The following KAT8 variants were observed in gnomAD, a reference collection of about 807,000 sequenced individuals.
KAT8 encodes lysine acetyltransferase 8, also known as histone acetyltransferase KAT8.
A neutral mutation model predicts 62.9 loss-of-function variants in KAT8; 40 were observed. That is an observed-to-expected ratio of 0.64 (90% CI 0.49 to 0.83). The LOEUF (loss-of-function observed/expected upper bound fraction) is 0.83. Among genes scored for constraint, KAT8 ranks in the 40% least tolerant of loss-of-function variants. The pLI is 0.00. For synonymous variants in KAT8, 278 were observed against 254.5 expected, an observed-to-expected ratio of 1.09 and a Z score of -0.88; for missense variants, 387 against 614.8, an observed-to-expected ratio of 0.63 and a Z score of 3.92.
In KAT8 at chr16:31,117,741, G is replaced by A. The variant is rs2057458548; in HGVS notation, c.60G>A (p.Glu20=). ...VAAGTSGVAG[E]GEPGPGENAA... ...CGGGGACTTCAGGGGTCGCGGGGGA[G>A]GGCGAGCCCGGGCCCGGGGAGAATG... The change falls in exon 1 of 11, where the codon GAG becomes GAA. Residue 20 remains glutamate (E), a synonymous_variant. Coordinates refer to ENST00000219797, the MANE Select transcript of KAT8 (RefSeq NM_032188.3). 4.4e-6 allele frequency: 6 copies of A among 1,377,598 alleles called. No homozygotes were observed. The East Asian group carries it at 1.5e-4, about 35-fold the overall frequency. 85.3% of individuals were successfully genotyped at this position (1,377,598 alleles called of 1,614,324 possible).
intron 8 of KAT8, 31 bp from the exon 9 acceptor site, chr16:31,130,425 G>T (rs764829972): frequency 6.2e-7 from 1 of 1,614,118 alleles, no homozygotes; most frequent in Non-Finnish European, 8.5e-7. Flanking sequence ...GGGCAGGCTG[G>T]ATCCTAAGTT....
At chr16:31,121,758 A>T (rs916166008) in intron 3 of KAT8, among the ~76,000 whole-genome samples, 2 of 145,146 alleles carry the variant, frequency 1.4e-5, no homozygotes, top group South Asian at 2.2e-4. Context: ...TATTATTGTT[A>T]TTTTTTTTTT....
intron 3 of KAT8, among the ~76,000 whole-genome samples, chr16:31,121,734 T>A (rs11639833): frequency 0.98 from 149,318 of 152,076 alleles, 73,375 homozygotes; most frequent in East Asian, 1. Flanking sequence ...GTATTGATAC[T>A]TAATAATTGT....
intron 5 of KAT8, among the ~76,000 whole-genome samples, chr16:31,127,647 A>G (rs916327327): frequency 6.6e-6 from 1 of 152,222 alleles, no homozygotes; most frequent in Non-Finnish European, 1.5e-5. Flanking sequence ...GGAAGCACAC[A>G]TAGCCCCTGG....
intron 3 of KAT8, among the ~76,000 whole-genome samples, chr16:31,122,046 C>T (rs1038075710): frequency 3.9e-5 from 6 of 152,128 alleles, no homozygotes; most frequent in Admixed American, 2.6e-4. Context: ...CCACTGCGCC[C>T]GACCAAGTCT....
rs1329714654 is a variant in KAT8 at position 31,130,773 on chromosome 16, C to T, written c.1185C>T (p.Asp395=). 7.4e-6 allele frequency: 12 copies of T among 1,614,084 alleles called. No individual in the cohort carries two copies. The highest frequency in any genetic ancestry group is 1.0e-5 in the Non-Finnish European group (12 of 1,180,052). The change falls in exon 10 of 11, where the codon GAC becomes GAT. Residue 395 remains aspartate, a synonymous_variant. Coordinates refer to ENST00000219797, the MANE Select transcript of KAT8 (RefSeq NM_032188.3). The stretch of plus-strand genomic sequence containing the variant: ...AGATGACCAGTATCACCCAAAATGA[C>T]ATCATCAGTACCCTGCAATCCCTCA... ...LSQMTSITQN[D]IISTLQSLNM...
chr16:31,128,559 A>C (rs2057549965), intron 6 of KAT8, among the ~76,000 whole-genome samples: 1 of 151,892 alleles, frequency 6.6e-6, no homozygotes, highest in South Asian at 2.1e-4. Flanking sequence ...AAAAAAAAGA[A>C]GGCCTCTGAG....
intron 5 of KAT8, 38 bp from the exon 6 acceptor site, chr16:31,128,012 C>T: frequency 1.3e-6 from 2 of 1,526,460 alleles, no homozygotes; most frequent in Non-Finnish European, 1.8e-6. Context: ...TAGCAGAGAA[C>T]ATATGGGCAG....
chr16:31,123,423 G>A (rs937894104), intron 3 of KAT8, among the ~76,000 whole-genome samples: 2 of 151,928 alleles, frequency 1.3e-5, no homozygotes, highest in South Asian at 2.1e-4. Flanking sequence ...CACTATGTTT[G>A]GCCTCAAACT....
In KAT8 at chr16:31,120,355, C is replaced by T. The variant is rs770020415; in HGVS notation, c.303C>T (p.Asp101=). 17 of 1,613,736 alleles carry T rather than the reference C, an allele frequency of 1.1e-5. No individual in the cohort carries two copies. In the East Asian group the frequency reaches 2.2e-4, roughly 21 times the overall value. The change falls in exon 3 of 11, where the codon GAC becomes GAT. Residue 101 remains aspartate, a synonymous_variant. Coordinates refer to ENST00000219797, the MANE Select transcript of KAT8 (RefSeq NM_032188.3). The part of the protein sequence containing the change: ...VHYVGFNRRL[D]EWVDKNRLAL... ...TACTTACAGTTAACCGGCGGCTGGA[C>T]GAGTGGGTAGACAAGAACCGGCTGG...
chr16:31,121,363 T>C (rs190550570), intron 3 of KAT8, among the ~76,000 whole-genome samples: 61 of 152,158 alleles, frequency 4.0e-4, no homozygotes, highest in African/African-American at 1.4e-3. Context: ...TCAGGTGATC[T>C]GCCCACCTCG....
chr16:31,120,585 C>T (rs1271138313), intron 3 of KAT8, 71 bp downstream of exon 3: 7 of 1,432,656 alleles, frequency 4.9e-6, no homozygotes, highest in Non-Finnish European at 6.7e-6. Flanking sequence ...GTCTCTCGGG[C>T]CCCAGTGCCA....
chr16:31,130,969 G>T, intron 10 of KAT8, 69 bp downstream of exon 10: 1 of 1,564,700 alleles, frequency 6.4e-7, no homozygotes. Flanking sequence ...TAGGAGTCAA[G>T]GCCTCCTTAT....
rs535122532 is a variant in KAT8 at position 31,125,404 on chromosome 16, G to A, written c.463-1631G>A. Among the ~76,000 whole-genome samples, 8 of 152,142 alleles carry A rather than the reference G, an allele frequency of 5.3e-5. 1 individual carries two copies. The highest frequency in any genetic ancestry group is 5.2e-4 in the Admixed American group (8 of 15,280). Reference sequence around the variant, plus strand: ...TGATCACCTGAGGTCAGGAGTTTGAGAACAGCCTGGCCAACATGGCGAAAC... The same window carrying A: ...TGATCACCTGAGGTCAGGAGTTTGAAAACAGCCTGGCCAACATGGCGAAAC... On this transcript the variant is annotated intron_variant, in intron 3 of 10. Transcript: ENST00000219797.
At chr16:31,126,025 A>AG (rs1467004199) in intron 3 of KAT8, 1 of 152,230 alleles carries the variant, frequency 6.6e-6, no homozygotes, top group African/African-American at 2.4e-5. Context: ...GGCCTCCTGG[A>AG]GGGGGTGGTA....
intron 1 of KAT8, among the ~76,000 whole-genome samples, chr16:31,119,874 T>G: frequency 6.6e-6 from 1 of 150,806 alleles, no homozygotes; most frequent in African/African-American, 2.4e-5. Flanking sequence ...ACAGATGGGG[T>G]TTTGCCATGT....
At chr16:31,121,921 T>G (rs1471490298) in intron 3 of KAT8, among the ~76,000 whole-genome samples, 2 of 151,830 alleles carry the variant, frequency 1.3e-5, no homozygotes, top group African/African-American at 2.4e-5. Context: ...CCAGCTAATT[T>G]TTTATTTTTT....
rs1415457223 is a variant in KAT8 at position 31,117,754 on chromosome 16, C to G, written c.73C>G (p.Pro25Ala). ...GGTCGCGGGGGAGGGCGAGCCCGGGCCCGGGGAGAATGCGGCCGCTGAGGG... is the reference window on the plus strand; with the variant it reads ...GGTCGCGGGGGAGGGCGAGCCCGGGGCCGGGGAGAATGCGGCCGCTGAGGG... The part of the protein sequence containing the change: ...SGVAGEGEPG[P>A]GENAAAEGTA... The change falls in exon 1 of 11, where the codon CCC (proline) becomes GCC (alanine). Residue 25 changes from proline to alanine, a missense_variant. Coordinates refer to ENST00000219797, the MANE Select transcript of KAT8 (RefSeq NM_032188.3). 28 of 1,380,852 alleles carry G rather than the reference C, an allele frequency of 2.0e-5. No homozygotes were observed. Among genetic ancestry groups the G allele is most frequent in the Non-Finnish European group, 2.5e-5 (27 of 1,059,180 alleles). The allele number at this position is 1,380,852 out of a possible 1,614,324, so 85.5% of individuals were successfully genotyped here. A position where few individuals can be genotyped will look rare whatever the true frequency, so the allele number is the denominator to read the frequency against.
rs1596827017 is a variant in KAT8 at position 31,130,339 on chromosome 16, G to A, written c.985G>A (p.Gly329Arg). ...GCCCCCCTACCAACGCCGCGGCTAC[G>A]GGAAGTTCCTCATCGCTTTCAGTGA... is the stretch of plus-strand genomic sequence containing the variant. ...TLPPYQRRGY[G>R]KFLIAFSYEL... Residue 329 changes from glycine (G) to arginine (R), a missense_variant, in exon 8 of 11, where the codon GGG becomes AGG. Coordinates refer to ENST00000219797, the MANE Select transcript of KAT8 (RefSeq NM_032188.3). 4 of 1,614,224 alleles carry A rather than the reference G, an allele frequency of 2.5e-6. No individual in the cohort carries two copies. Among genetic ancestry groups the A allele is most frequent in the South Asian group, 1.1e-5 (1 of 91,088 alleles).
Sources: allele counts gnomAD v4.1 joint callset (sites outside exome capture counted in the v4.1 genomes callset), GRCh38; gene constraint gnomAD v4.1.1; transcripts MANE v1.5; gene names NCBI Gene and HGNC (gene_info 2026-07-23, HGNC 2026-07-21).